Variants in SPATA17 observed in about 807,000 individuals in gnomAD.
The protein encoded by SPATA17 is spermatogenesis-associated protein 17.
Under a neutral mutation model 62.2 loss-of-function variants are expected in SPATA17, and 53 were observed. The ratio of observed to expected loss-of-function variants is 0.85; its 90% CI spans 0.68 to 1.07. The LOEUF (loss-of-function observed/expected upper bound fraction) is 1.07. Among genes scored for constraint, SPATA17 ranks in the 50% least tolerant of loss-of-function variants. The pLI, the probability that SPATA17 is intolerant of heterozygous loss-of-function variation, is 0.00. For missense variants in SPATA17, 466 were observed against 425.5 expected, an observed-to-expected ratio of 1.10 and a Z score of -0.84; for synonymous variants, 146 against 146.8, an observed-to-expected ratio of 0.99 and a Z score of 0.04.
In SPATA17 at chr1:217,868,290, G is replaced by T. The variant is rs184579436; in HGVS notation, c.*1271G>T. 21 of 152,192 alleles carry T rather than the reference G, an allele frequency of 1.4e-4. No individual in the cohort carries two copies. Among genetic ancestry groups the T allele is most frequent in the African/African-American group, 4.6e-4 (19 of 41,520 alleles). The allele number at this position is 152,192 out of a possible 1,614,324, so 9.4% of individuals were successfully genotyped here. On this transcript the variant is annotated 3_prime_UTR_variant, in exon 11 of 11. Transcript: ENST00000366933. Reference sequence around the variant, plus strand: ...TTACAGATGCAGTGATATGTTGGCTGGGATTTAATTTGAAAGTCAAAGAAG... The same window carrying T: ...TTACAGATGCAGTGATATGTTGGCTTGGATTTAATTTGAAAGTCAAAGAAG...
intron 3 of SPATA17, among the ~76,000 whole-genome samples, chr1:217,657,758 A>G (rs1460492979): frequency 6.6e-6 from 1 of 152,214 alleles, no homozygotes; most frequent in Non-Finnish European, 1.5e-5. Flanking sequence ...TCCTGTATGT[A>G]AAAGAGATAT....
chr1:217,782,477 A>G (rs554409252), intron 8 of SPATA17, among the ~76,000 whole-genome samples, 155 bp downstream of exon 8: 3 of 152,240 alleles, frequency 2.0e-5, no homozygotes, highest in African/African-American at 4.8e-5. Context: ...TCAGCATGCA[A>G]ATGATTTAAA....
chr1:217,697,391 T>C (rs1350924463), intron 5 of SPATA17, among the ~76,000 whole-genome samples: 2 of 152,244 alleles, frequency 1.3e-5, no homozygotes, highest in African/African-American at 2.4e-5. Flanking sequence ...GATCTAATTG[T>C]ATTACAGCAA....
chr1:217,656,895 A>T (rs1183732463), intron 3 of SPATA17, among the ~76,000 whole-genome samples: 1 of 152,166 alleles, frequency 6.6e-6, no homozygotes, highest in Non-Finnish European at 1.5e-5. Context: ...GTTCAAACTC[A>T]GTTTGACCTG....
At chr1:217,663,029 C>T (rs903177360) in intron 3 of SPATA17, among the ~76,000 whole-genome samples, 3 of 152,028 alleles carry the variant, frequency 2.0e-5, no homozygotes, top group Admixed American at 2.0e-4. Flanking sequence ...ACATTTTTAT[C>T]ATAATTATAA....
chr1:217,833,742 G>T (rs574061304), intron 9 of SPATA17, among the ~76,000 whole-genome samples: 2 of 152,206 alleles, frequency 1.3e-5, no homozygotes, highest in African/African-American at 4.8e-5. Flanking sequence ...TTTGACATCT[G>T]ACCTTTTAGA....
At chr1:217,693,180 G>C (rs1268831016) in intron 5 of SPATA17, among the ~76,000 whole-genome samples, 1 of 151,466 alleles carries the variant, frequency 6.6e-6, no homozygotes, top group East Asian at 1.9e-4. Context: ...CCTGTTATTG[G>C]TCTATTCAGA....
chr1:217,704,655 G>T (rs1043997242), intron 5 of SPATA17, among the ~76,000 whole-genome samples: 14 of 152,064 alleles, frequency 9.2e-5, no homozygotes, highest in African/African-American at 3.4e-4. Context: ...TGTGGTATTT[G>T]ATTTTCTGTT....
At chr1:217,832,719 G>T (rs780742617) in intron 9 of SPATA17, among the ~76,000 whole-genome samples, 5 of 151,596 alleles carry the variant, frequency 3.3e-5, no homozygotes, top group Admixed American at 6.6e-5. Flanking sequence ...GAGGTGGGTG[G>T]ACCACTTGAG....
intron 9 of SPATA17, among the ~76,000 whole-genome samples, chr1:217,842,003 T>C (rs1675416302): frequency 6.6e-6 from 1 of 151,864 alleles, no homozygotes; most frequent in African/African-American, 2.4e-5. Context: ...CCTATGTTTT[T>C]GTTTTGCTAG....
chr1:217,810,391 A>G (rs1042395444), intron 9 of SPATA17, among the ~76,000 whole-genome samples: 4 of 152,132 alleles, frequency 2.6e-5, no homozygotes, highest in Non-Finnish European at 4.4e-5. Flanking sequence ...TACCTGGCCA[A>G]GGCAGGCGGA....
intron 5 of SPATA17, among the ~76,000 whole-genome samples, chr1:217,718,220 C>T (rs1280923496): frequency 6.6e-6 from 1 of 152,120 alleles, no homozygotes; most frequent in Non-Finnish European, 1.5e-5. Flanking sequence ...CTCAAAACTG[C>T]TTTTGCCCTG....
intron 9 of SPATA17, among the ~76,000 whole-genome samples, chr1:217,817,230 G>T (rs968716945): frequency 6.6e-6 from 1 of 151,938 alleles, no homozygotes; most frequent in African/African-American, 2.4e-5. Context: ...CTATGTCTCC[G>T]CCCAAATCGC....
Position 217,871,608 on chromosome 1 carries a change from A to T in SPATA17, c.*4589A>T, listed in dbSNP as rs1203255082. 2 of 152,140 alleles carry T rather than the reference A, an allele frequency of 1.3e-5. No homozygotes were observed. 9.4% of individuals were successfully genotyped at this position (152,140 alleles called of 1,614,324 possible). ...GTGCAAAGCATTAGGATAAATTTTT[A>T]TTGAAAATTGAGTGAATGACTGAAC... On this transcript the variant is annotated 3_prime_UTR_variant, in exon 11 of 11. Coordinates refer to ENST00000366933, the MANE Select transcript of SPATA17 (RefSeq NM_138796.4).
intron 8 of SPATA17, among the ~76,000 whole-genome samples, chr1:217,791,219 A>G (rs1014520491): frequency 4.6e-5 from 7 of 152,206 alleles, no homozygotes; most frequent in Non-Finnish European, 7.3e-5. Context: ...GTTACTGTGC[A>G]AATCGTATTA....
intron 5 of SPATA17, among the ~76,000 whole-genome samples, chr1:217,698,914 T>A (rs1671527605): frequency 6.6e-6 from 1 of 152,218 alleles, no homozygotes; most frequent in Admixed American, 6.5e-5. Context: ...CATTCATCTG[T>A]TTGCCGTTTC....
chr1:217,718,115 C>T (rs1672049312), intron 5 of SPATA17, among the ~76,000 whole-genome samples: 1 of 152,180 alleles, frequency 6.6e-6, no homozygotes, highest in South Asian at 2.1e-4. Flanking sequence ...TCTCCTCTCC[C>T]CCTGCTGACA....
rs377325458 is a variant in SPATA17 at position 217,681,555 on chromosome 1, G to A, written c.292-1703G>A. Among the ~76,000 whole-genome samples, 288 of 151,680 alleles carry A rather than the reference G, an allele frequency of 1.9e-3. 2 individuals carry two copies. The highest frequency in any genetic ancestry group is 0.017 in the Middle Eastern group (5 of 294). ...TGCCCAGTTTTGTATTTTTAGTAGAGACAGGGTTTTGTTTTGTATTTTTAG... is the reference window on the plus strand; with the variant it reads ...TGCCCAGTTTTGTATTTTTAGTAGAAACAGGGTTTTGTTTTGTATTTTTAG... On this transcript the variant is annotated intron_variant, in intron 4 of 10. Coordinates refer to ENST00000366933, the MANE Select transcript of SPATA17 (RefSeq NM_138796.4).
intron 6 of SPATA17, among the ~76,000 whole-genome samples, chr1:217,757,384 G>T (rs1340760844): frequency 6.6e-6 from 1 of 152,094 alleles, no homozygotes; most frequent in Non-Finnish European, 1.5e-5. Context: ...CCCCTGTCAG[G>T]GACAGCGGAG....
Sources: allele counts gnomAD v4.1 joint callset (sites outside exome capture counted in the v4.1 genomes callset), GRCh38; gene constraint gnomAD v4.1.1; transcripts MANE v1.5; gene names NCBI Gene and HGNC (gene_info 2026-07-23, HGNC 2026-07-21).